The following DRC3 variants were observed in gnomAD, a reference collection of about 807,000 sequenced individuals.
DRC3 encodes leucine rich repeat containing 48.
A neutral mutation model predicts 57.6 loss-of-function variants in DRC3; 45 were observed. The ratio of observed to expected loss-of-function variants is 0.78; its 90% confidence interval spans 0.62 to 1.00. The LOEUF (loss-of-function observed/expected upper bound fraction) is 1.00, where lower values mean the gene tolerates loss of function less well. DRC3 is among the 50% of genes least tolerant of loss of function. The probability of loss-of-function intolerance (pLI) is 0.00; values close to 1 mark genes in which losing one functional copy is unlikely to be tolerated. For missense variants in DRC3, 655 were observed against 675.2 expected, an observed-to-expected ratio of 0.97 and a Z score of 0.33; for synonymous variants, 257 against 272.3, an observed-to-expected ratio of 0.94 and a Z score of 0.55.
intron 4 of DRC3, among the ~76,000 whole-genome samples, chr17:17,987,201 CGA>C (rs949299793): frequency 8.4e-6 from 1 of 118,362 alleles, no homozygotes; most frequent in African/African-American, 3.4e-5. Flanking sequence ...CACAACAGAG[CGA>C]GACCCTGTCT....
chr17:18,013,870 G>A (rs1398362445), intron 12 of DRC3, among the ~76,000 whole-genome samples: 1 of 151,902 alleles, frequency 6.6e-6, no homozygotes, highest in Non-Finnish European at 1.5e-5. Context: ...CATGATAGGT[G>A]TTGAAACATC....
intron 12 of DRC3, 41 bp from the exon 13 acceptor site, chr17:18,016,020 TATA>T (rs746343334): frequency 2.5e-6 from 4 of 1,606,362 alleles, no homozygotes; most frequent in South Asian, 2.2e-5. Flanking sequence ...GTGTTCACGG[TATA>T]ATGACACACA....
intron 6 of DRC3, 65 bp from the exon 7 acceptor site, chr17:17,994,234 C>T: frequency 6.5e-7 from 1 of 1,538,662 alleles, no homozygotes; most frequent in Non-Finnish European, 8.8e-7. Context: ...GCAGAGGCGG[C>T]ATGGCAGAGG....
intron 3 of DRC3, 182 bp downstream of exon 3, chr17:17,977,940 T>C (rs1362382612): frequency 3.7e-6 from 2 of 544,014 alleles, no homozygotes; most frequent in Non-Finnish European, 6.3e-6. Context: ...TCATACTTAG[T>C]GTCTTCATCA....
At chr17:17,986,986 G>T (rs932150194) in intron 4 of DRC3, among the ~76,000 whole-genome samples, 1 of 152,116 alleles carries the variant, frequency 6.6e-6, no homozygotes, top group African/African-American at 2.4e-5. Context: ...CGAGGTGGGA[G>T]GATCACTTGA....
Position 18,004,691 on chromosome 17 carries a change from T to C in DRC3, c.1131+197T>C, listed in dbSNP as rs112543963. 3.7e-5 allele frequency: 22 copies of C among 596,188 alleles called. No homozygotes were observed. The African/African-American group carries it at 3.7e-4, about 10-fold the overall frequency. The allele number at this position is 596,188 out of a possible 1,614,324, so 36.9% of individuals were successfully genotyped here. ...TCATTTACATTGGAAGTGATTCTTG[T>C]GGAAAATGAGAGGTGAGCTCATTCT... On this transcript the variant is annotated intron_variant, in intron 10 of 13. Coordinates refer to ENST00000399187, the MANE Select transcript of DRC3 (RefSeq NM_031294.4).
rs1568556345 is a variant in DRC3, at chr17:18,016,185, T to C, written c.1448T>C (p.Leu483Ser). The C allele has an allele frequency of 6.2e-6, 10 of 1,613,834 alleles. No individual in the cohort carries two copies. The highest frequency in any genetic ancestry group is 8.5e-6 in the Non-Finnish European group (10 of 1,179,864). Reference sequence around the variant, plus strand: ...AGAATCAACTCTTGGTGTACACGTTTAATAGACAGGGTGAGTCAATCCCAA... The same window carrying C: ...AGAATCAACTCTTGGTGTACACGTTCAATAGACAGGGTGAGTCAATCCCAA... ...VTRINSWCTR[L>S]IDRIHKDEIM... Residue 483 changes from leucine to serine, a missense_variant, in exon 13 of 14, where the codon TTA becomes TCA. By Grantham distance (145) the Leu-to-Ser change is moderately radical (BLOSUM62 -2). Coordinates refer to ENST00000399187, the MANE Select transcript of DRC3 (RefSeq NM_031294.4).
intron 12 of DRC3, among the ~76,000 whole-genome samples, chr17:18,014,346 C>G (rs1054308254): frequency 7.2e-5 from 11 of 152,236 alleles, no homozygotes; most frequent in African/African-American, 2.4e-4. Flanking sequence ...TGCACAGCCC[C>G]TGCCTCCACC....
chr17:18,001,941 C>T (rs549357822), intron 9 of DRC3, among the ~76,000 whole-genome samples: 5 of 150,544 alleles, frequency 3.3e-5, no homozygotes, highest in Admixed American at 1.3e-4. Context: ...CCAAGGCGGG[C>T]GGGTCACCTG....
At chr17:17,994,624 C>A (rs1391504252) in intron 7 of DRC3, among the ~76,000 whole-genome samples, 1 of 152,218 alleles carries the variant, frequency 6.6e-6, no homozygotes, top group Non-Finnish European at 1.5e-5. Context: ...CCTGACCCTA[C>A]TCCTTACTGG....
intron 2 of DRC3, among the ~76,000 whole-genome samples, chr17:17,974,458 G>A (rs2042294466): frequency 6.6e-6 from 1 of 152,092 alleles, no homozygotes; most frequent in Admixed American, 6.5e-5. Context: ...CGCAACCTCC[G>A]CCTCCCGGTT....
rs748725764 is a variant in DRC3 at position 17,995,039 on chromosome 17, A to G, written c.752A>G (p.Asp251Gly). ...VEHLNGSFLF[D>G]SMYAEDSEGN... The stretch of plus-strand genomic sequence containing the variant: ...CACCTGAATGGCTCCTTCCTGTTTG[A>G]CAGCATGTACGCTGAGGACTCAGAG... The change falls in exon 8 of 14, where the codon GAC becomes GGC. Residue 251 changes from aspartate (D) to glycine (G), a missense_variant. Asp to Gly is a moderately conservative substitution (Grantham distance 94, BLOSUM62 -1). Coordinates refer to ENST00000399187, the MANE Select transcript of DRC3 (RefSeq NM_031294.4). The G allele has an allele frequency of 1.6e-5, 26 of 1,613,710 alleles. No individual in the cohort carries two copies. The East Asian group carries it at 5.6e-4, about 35-fold the overall frequency.
intron 5 of DRC3, 62 bp downstream of exon 5, chr17:17,988,160 A>G: frequency 1.3e-6 from 2 of 1,531,960 alleles, no homozygotes; most frequent in Non-Finnish European, 1.8e-6. Context: ...CCGTGGGTTG[A>G]GTGGGGGTCT....
At chr17:17,994,905 T>C in intron 7 of DRC3, 94 bp from the exon 8 acceptor site, 1 of 788,114 alleles carries the variant, frequency 1.3e-6, no homozygotes, top group South Asian at 1.5e-5. Context: ...GTCTGGAACA[T>C]GCTCCCTCCT....
At chr17:17,981,007 A>T (rs2042654012) in intron 3 of DRC3, among the ~76,000 whole-genome samples, 1 of 152,234 alleles carries the variant, frequency 6.6e-6, no homozygotes, top group Non-Finnish European at 1.5e-5. Context: ...TGCTTTACTG[A>T]GTTCTCATTA....
chr17:17,973,850 A>G lies in DRC3; in HGVS notation c.-128-2A>G, dbSNP rs1384737716. On this transcript the variant is annotated splice_acceptor_variant, in intron 1 of 13. Coordinates refer to ENST00000399187, the MANE Select transcript of DRC3 (RefSeq NM_031294.4). LOFTEE classifies it low-confidence loss of function (5UTR_SPLICE). ...TGTTGACTTCAGGTTATCATTTCCC[A>G]GGAAAATTCTGGATCTGTTATCTGT... 6.6e-6 allele frequency: 1 copy of G among 152,248 alleles called. No homozygotes were observed. Among genetic ancestry groups the G allele is most frequent in the Non-Finnish European group, 1.5e-5 (1 of 68,042 alleles). 9.4% of individuals were successfully genotyped at this position (152,248 alleles called of 1,614,324 possible).
chr17:17,994,403 G>T lies in DRC3; in HGVS notation c.696G>T (p.Glu232Asp), dbSNP rs766516447. The stretch of plus-strand genomic sequence containing the variant: ...AGGACGAGCAGGCGCAGCGGGAGGA[G>T]CTAGAGAAGCACAAGGTACCGTTCC... ...QLEDEQAQRE[E>D]LEKHKTAFVE... is the part of the protein sequence containing the mutation. The change falls in exon 7 of 14, where the codon GAG becomes GAT. Residue 232 changes from glutamate to aspartate, a missense_variant. Coordinates refer to ENST00000399187, the MANE Select transcript of DRC3 (RefSeq NM_031294.4). 12 of 1,552,608 alleles carry T rather than the reference G, an allele frequency of 7.7e-6. No individual in the cohort carries two copies. Among genetic ancestry groups the T allele is most frequent in the Non-Finnish European group, 8.7e-6 (10 of 1,147,842 alleles).
intron 5 of DRC3, 64 bp downstream of exon 5, chr17:17,988,162 T>TGG: frequency 6.6e-7 from 1 of 1,507,536 alleles, no homozygotes; most frequent in South Asian, 1.2e-5. Flanking sequence ...GTGGGTTGAG[T>TGG]GGGGGTCTGT....
In DRC3 at chr17:18,007,211, G is replaced by A. The variant is rs1449812884; in HGVS notation, c.1326+64G>A. The A allele has an allele frequency of 4.0e-6, 4 of 1,006,628 alleles. No homozygotes were observed. In the Admixed American group the frequency reaches 7.0e-5, roughly 18 times the overall value. 62.4% of individuals were successfully genotyped at this position (1,006,628 alleles called of 1,614,324 possible). ...TCCAGCCCAGCTCTGTGGCTGGACTGAGGCTCTGTGAGTAAGCCTGACAAC... is the reference window on the plus strand; with the variant it reads ...TCCAGCCCAGCTCTGTGGCTGGACTAAGGCTCTGTGAGTAAGCCTGACAAC... On this transcript the variant is annotated intron_variant, in intron 12 of 13. Transcript: ENST00000399187.
Sources: gnomAD v4.1 joint callset for allele counts (sites outside exome capture counted in the v4.1 genomes callset) on GRCh38, gnomAD v4.1.1 for gene constraint, MANE v1.5 for transcripts, NCBI Gene and HGNC (gene_info 2026-07-23, HGNC 2026-07-21) for gene names.